The following TMEM132B variants were observed in gnomAD, a reference collection of about 807,000 sequenced individuals.
The protein encoded by TMEM132B is transmembrane protein 132B.
TMEM132B carries 18 observed loss-of-function variants against 90.8 expected under a neutral mutation model. The ratio of observed to expected loss-of-function variants is 0.20; its 90% confidence interval spans 0.14 to 0.29. TMEM132B has a LOEUF of 0.29. TMEM132B is among the 10% of genes least tolerant of loss of function. TMEM132B has a pLI of 1.00. For synonymous variants in TMEM132B, 504 were observed against 523.3 expected, an observed-to-expected ratio of 0.96 and a Z score of 0.50; for missense variants, 1,096 against 1,326.8, an observed-to-expected ratio of 0.83 and a Z score of 2.70.
At chr12:125,318,141 T>C (rs963035525) in intron 1 of TMEM132B, among the ~76,000 whole-genome samples, 1 of 152,106 alleles carries the variant, frequency 6.6e-6, no homozygotes, top group Non-Finnish European at 1.5e-5. Context: ...CTAGAAATGA[T>C]ACAACATATC....
intron 3 of TMEM132B, among the ~76,000 whole-genome samples, chr12:125,491,416 C>T (rs1387059057): frequency 6.6e-6 from 1 of 152,098 alleles, no homozygotes; most frequent in African/African-American, 2.4e-5. Context: ...CCCAAGTGAA[C>T]CTATCTGAGT....
At chr12:125,270,697 C>T (rs77099835) in intron 1 of TMEM132B, among the ~76,000 whole-genome samples, 8,822 of 147,184 alleles carry the variant, frequency 0.06, 716 homozygotes, top group African/African-American at 0.19. Flanking sequence ...TGCCAAACCC[C>T]ATTGGTCAAG....
intron 1 of TMEM132B, among the ~76,000 whole-genome samples, chr12:125,267,213 T>C (rs960813325): frequency 6.6e-6 from 1 of 152,138 alleles, no homozygotes; most frequent in Non-Finnish European, 1.5e-5. Context: ...GGGGTTTCCA[T>C]CTCTTTGCTC....
At chr12:125,228,178 C>T (rs1252491031) in intron 1 of TMEM132B, among the ~76,000 whole-genome samples, 1 of 152,094 alleles carries the variant, frequency 6.6e-6, no homozygotes, top group Non-Finnish European at 1.5e-5. Context: ...CATGGAAGAC[C>T]CCCTGTTTCC....
intron 3 of TMEM132B, among the ~76,000 whole-genome samples, chr12:125,504,124 AT>A (rs1308103590): frequency 1.3e-5 from 2 of 152,168 alleles, no homozygotes; most frequent in African/African-American, 2.4e-5. Context: ...AGATTTACAC[AT>A]TTTGGGATTA....
At chr12:125,537,410 G>C (rs1210172497) in intron 4 of TMEM132B, among the ~76,000 whole-genome samples, 1 of 152,200 alleles carries the variant, frequency 6.6e-6, no homozygotes, top group Non-Finnish European at 1.5e-5. Flanking sequence ...AAAGCCACCT[G>C]CTGGCACCTC....
At chr12:125,392,596 G>T (rs1879056799) in intron 2 of TMEM132B, among the ~76,000 whole-genome samples, 1 of 152,158 alleles carries the variant, frequency 6.6e-6, no homozygotes, top group Non-Finnish European at 1.5e-5. Flanking sequence ...ACTTTCAAAG[G>T]GACCTCAGTA....
intron 3 of TMEM132B, among the ~76,000 whole-genome samples, chr12:125,456,017 G>A (rs1003738267): frequency 6.6e-6 from 1 of 152,184 alleles, no homozygotes; most frequent in Admixed American, 6.5e-5. Flanking sequence ...TGGCACAGAA[G>A]CAGTAAATGA....
intron 4 of TMEM132B, among the ~76,000 whole-genome samples, chr12:125,554,072 G>C (rs1483832006): frequency 6.6e-6 from 1 of 152,146 alleles, no homozygotes; most frequent in Non-Finnish European, 1.5e-5. Context: ...TTAGCATATT[G>C]TAATTTAAAA....
intron 1 of TMEM132B, among the ~76,000 whole-genome samples, chr12:125,335,598 A>G (rs758813171): frequency 1.3e-5 from 2 of 152,256 alleles, no homozygotes; most frequent in Non-Finnish European, 2.9e-5. Context: ...TGAAACTTGA[A>G]AATGCTGATC....
At chr12:125,562,909 G>A (rs1301153858) in intron 4 of TMEM132B, among the ~76,000 whole-genome samples, 3 of 151,952 alleles carry the variant, frequency 2.0e-5, no homozygotes, top group Admixed American at 6.6e-5. Context: ...TATCAGCAGC[G>A]TGATACCAGA....
intron 2 of TMEM132B, among the ~76,000 whole-genome samples, chr12:125,399,612 C>T (rs1412861325): frequency 1.3e-5 from 2 of 152,032 alleles, no homozygotes; most frequent in Non-Finnish European, 2.9e-5. Context: ...TTTCAGACTT[C>T]TGGCCTCCAG....
At chr12:125,298,598 C>G (rs1434460727) in intron 1 of TMEM132B, among the ~76,000 whole-genome samples, 8 of 138,110 alleles carry the variant, frequency 5.8e-5, no homozygotes, top group Non-Finnish European at 9.2e-5. Flanking sequence ...CACTTGAACC[C>G]GGGAGGCAGA....
At chr12:125,300,838 G>A (rs966597958) in intron 1 of TMEM132B, 4 of 152,096 alleles carry the variant, frequency 2.6e-5, no homozygotes, top group Non-Finnish European at 4.4e-5. Context: ...TGCACTGGGC[G>A]AGCCTTGTTC....
intron 2 of TMEM132B, among the ~76,000 whole-genome samples, chr12:125,373,877 C>T (rs969668408): frequency 2.0e-5 from 3 of 152,240 alleles, no homozygotes; most frequent in African/African-American, 7.2e-5. Flanking sequence ...TCACTGCAAC[C>T]TCCGCCTCCT....
intron 5 of TMEM132B, among the ~76,000 whole-genome samples, chr12:125,590,275 A>G (rs1307345536): frequency 1.3e-5 from 2 of 152,208 alleles, no homozygotes; most frequent in East Asian, 3.9e-4. Flanking sequence ...ATATCCATGA[A>G]TGTTAACTGC....
chr12:125,558,673 T>G (rs751235473), intron 4 of TMEM132B, among the ~76,000 whole-genome samples: 1 of 152,234 alleles, frequency 6.6e-6, no homozygotes, highest in Non-Finnish European at 1.5e-5. Flanking sequence ...CACTTTCTTG[T>G]ATCAGAGAAC....
chr12:125,273,772 T>C (rs1349854267), intron 1 of TMEM132B, among the ~76,000 whole-genome samples: 2 of 152,080 alleles, frequency 1.3e-5, no homozygotes, highest in Non-Finnish European at 2.9e-5. Context: ...TTCAAGTGAT[T>C]CTCCCGCCTC....
At chr12:125,569,702 C>T (rs1021246646) in intron 4 of TMEM132B, among the ~76,000 whole-genome samples, 6 of 152,024 alleles carry the variant, frequency 3.9e-5, no homozygotes, top group Non-Finnish European at 5.9e-5. Flanking sequence ...AGGGAAGGAG[C>T]GGGGCACAAG....
Sources: allele counts gnomAD v4.1 joint callset (sites outside exome capture counted in the v4.1 genomes callset), GRCh38; gene constraint gnomAD v4.1.1; transcripts MANE v1.5; gene names NCBI Gene and HGNC (gene_info 2026-07-23, HGNC 2026-07-21).